Variants in LARP1B observed in about 807,000 individuals in gnomAD.
LARP1B encodes the protein la-related protein 1B.
LARP1B carries 76 observed loss-of-function variants against 114.2 expected under a neutral mutation model. That is an observed-to-expected ratio of 0.67 (90% CI 0.55 to 0.81). LARP1B has a LOEUF of 0.81. Among genes scored for constraint, LARP1B ranks in the 30% least tolerant of loss-of-function variants. LARP1B has a pLI of 0.00. For missense variants in LARP1B, 1,014 were observed against 1,075.8 expected (o/e 0.94, Z 0.80); for synonymous variants, 345 against 348.0 (o/e 0.99, Z 0.10).
chr4:128,129,800 C>G (rs1479010635), intron 11 of LARP1B, among the ~76,000 whole-genome samples: 1 of 151,500 alleles, frequency 6.6e-6, no homozygotes, highest in Non-Finnish European at 1.5e-5. Context: ...ACAAATGGTG[C>G]TAGAACAGCT....
At chr4:128,155,849 T>A in intron 11 of LARP1B, 1 of 1,571,592 alleles carries the variant, frequency 6.4e-7, no homozygotes, top group East Asian at 2.2e-5. Flanking sequence ...ATCGAGGAGC[T>A]GCAGAAGCAG....
intron 12 of LARP1B, among the ~76,000 whole-genome samples, chr4:128,168,655 G>A (rs1156754925): frequency 6.6e-6 from 1 of 151,826 alleles, no homozygotes; most frequent in Admixed American, 6.6e-5. Flanking sequence ...AACTAGTCTT[G>A]GATTCTCAGG....
At chr4:128,155,727 G>C in intron 11 of LARP1B, 8 of 1,608,448 alleles carry the variant, frequency 5.0e-6, no homozygotes, top group Non-Finnish European at 6.8e-6. Flanking sequence ...TAAGGCCCGA[G>C]CGGAACAAGC....
intron 3 of LARP1B, 57 bp downstream of exon 3, chr4:128,075,050 C>T: frequency 9.0e-7 from 1 of 1,107,456 alleles, no homozygotes; most frequent in Non-Finnish European, 1.4e-6. Context: ...TTCATTTCGA[C>T]ATGCAGAATT....
At chr4:128,135,427 T>G (rs1210948944) in intron 11 of LARP1B, among the ~76,000 whole-genome samples, 1 of 152,036 alleles carries the variant, frequency 6.6e-6, no homozygotes, top group African/African-American at 2.4e-5. Flanking sequence ...TAGGCATATA[T>G]CCAAAAAAAT....
intron 5 of LARP1B, among the ~76,000 whole-genome samples, chr4:128,087,850 G>A (rs1279270490): frequency 6.6e-6 from 1 of 151,656 alleles, no homozygotes; most frequent in Non-Finnish European, 1.5e-5. Flanking sequence ...GTGTGGGGGG[G>A]AGCATATATA....
Position 128,082,289 on chromosome 4 carries a change from G to C in LARP1B, c.342G>C (p.Arg114Ser). Residue 114 changes from arginine (R) to serine (S), a missense_variant, in exon 5 of 20, where the codon AGG (arginine) becomes AGC (serine). Arg to Ser is a moderately radical substitution (Grantham distance 110, BLOSUM62 -1). Coordinates refer to ENST00000326639, the MANE Select transcript of LARP1B (RefSeq NM_018078.4). ...PEANKPTHNNRRNDTRSWKRD... is the reference protein window; with the variant it reads ...PEANKPTHNNSRNDTRSWKRD... ...CAAATAAACCAACACATAACAATAG[G>C]AGAAATGATACACGAAGTAAGTTAC... 1 of 1,613,836 alleles carries C rather than the reference G, an allele frequency of 6.2e-7. No homozygotes were observed. Among genetic ancestry groups the C allele is most frequent in the Non-Finnish European group, 8.5e-7 (1 of 1,179,884 alleles).
chr4:128,135,400 T>C (rs546285656), intron 11 of LARP1B, among the ~76,000 whole-genome samples: 2 of 152,268 alleles, frequency 1.3e-5, no homozygotes, highest in South Asian at 2.1e-4. Context: ...TATCATGTTA[T>C]CCAGCAATAC....
At chr4:128,187,486 G>T (rs1489501361) in intron 15 of LARP1B, among the ~76,000 whole-genome samples, 2 of 152,194 alleles carry the variant, frequency 1.3e-5, no homozygotes, top group Non-Finnish European at 2.9e-5. Context: ...TCTTCCTTTT[G>T]TGTATTTACC....
At chr4:128,138,553 A>AG (rs1726475326) in intron 11 of LARP1B, among the ~76,000 whole-genome samples, 2 of 152,200 alleles carry the variant, frequency 1.3e-5, no homozygotes, top group South Asian at 4.1e-4. Flanking sequence ...TGGAAAGGGT[A>AG]GTGGTGGGGG....
At chr4:128,108,013 T>G in intron 9 of LARP1B, 1 of 1,523,556 alleles carries the variant, frequency 6.6e-7, no homozygotes, top group Non-Finnish European at 8.8e-7. Context: ...GATCAGACTG[T>G]CTTCTGTTCA....
rs749479474 is a variant in LARP1B at position 128,091,031 on chromosome 4, A to G, written c.389A>G (p.Asp130Gly). Reference protein sequence around the residue: ...SWKRDREKRDDQDDVSSVRSE... With the variant: ...SWKRDREKRDGQDDVSSVRSE... ...AAGCGAGATAGAGAAAAAAGGGATG[A>G]TCAAGATGACGTTTCCAGTGTGAGA... The change falls in exon 6 of 20, where the codon GAT (aspartate) becomes GGT (glycine). Residue 130 changes from aspartate (D) to glycine (G), a missense_variant. Physicochemically the swap from Asp to Gly is moderately conservative, Grantham distance 94. Coordinates refer to ENST00000326639, the MANE Select transcript of LARP1B (RefSeq NM_018078.4). 3.7e-6 allele frequency: 6 copies of G among 1,612,834 alleles called. No homozygotes were observed. The highest frequency in any genetic ancestry group is 5.1e-6 in the Non-Finnish European group (6 of 1,179,268).
At chr4:128,143,577 A>T (rs1028069897) in intron 11 of LARP1B, among the ~76,000 whole-genome samples, 2 of 152,066 alleles carry the variant, frequency 1.3e-5, no homozygotes, top group African/African-American at 2.4e-5. Flanking sequence ...ATCATAATTG[A>T]CCACTGAATT....
chr4:128,154,843 G>A (rs963253919), intron 11 of LARP1B, among the ~76,000 whole-genome samples: 6 of 151,330 alleles, frequency 4.0e-5, no homozygotes, highest in African/African-American at 1.5e-4. Flanking sequence ...GTGTGATCTC[G>A]GCTCACTGCA....
intron 1 of LARP1B, among the ~76,000 whole-genome samples, chr4:128,062,446 T>C (rs1227046007): frequency 6.6e-6 from 1 of 152,186 alleles, no homozygotes; most frequent in Non-Finnish European, 1.5e-5. Context: ...CAGGTTCTCC[T>C]TGCCTGATGG....
At chr4:128,209,790 GCCT>G in intron 19 of LARP1B, 63 bp from the exon 20 acceptor site, 1 of 1,323,096 alleles carries the variant, frequency 7.6e-7, no homozygotes, top group Non-Finnish European at 1.1e-6. Context: ...GAAAAGTCTA[GCCT>G]TAGATTCTGA....
intron 1 of LARP1B, chr4:128,061,721 G>T (rs1241864470): frequency 3.0e-6 from 3 of 984,852 alleles, no homozygotes; most frequent in Non-Finnish European, 3.6e-6. Flanking sequence ...GATGCCCGCC[G>T]CCCATTCTCG....
intron 11 of LARP1B, chr4:128,155,704 G>T: frequency 6.2e-7 from 1 of 1,607,072 alleles, no homozygotes; most frequent in Non-Finnish European, 8.5e-7. Flanking sequence ...GGAGGAAGAG[G>T]AGCGCCGCCG....
In LARP1B at chr4:128,114,564, T is replaced by A. The variant is rs765312658; in HGVS notation, c.989-6T>A. ...TTTTAACTATAGAACTAACTTAAAATTTTAGAGTCTGCCCCAAATTCTCCA... is the reference window on the plus strand; with the variant it reads ...TTTTAACTATAGAACTAACTTAAAAATTTAGAGTCTGCCCCAAATTCTCCA... On this transcript the variant is annotated splice_polypyrimidine_tract_variant and splice_region_variant and intron_variant, in intron 9 of 19. Transcript: ENST00000326639. 6.2e-7 allele frequency: 1 copy of A among 1,600,390 alleles called. No individual in the cohort carries two copies. The highest frequency in any genetic ancestry group is 1.3e-5 in the African/African-American group (1 of 74,106).
Sources: gnomAD v4.1 joint callset for allele counts (sites outside exome capture counted in the v4.1 genomes callset) on GRCh38, gnomAD v4.1.1 for gene constraint, MANE v1.5 for transcripts, NCBI Gene and HGNC (gene_info 2026-07-23, HGNC 2026-07-21) for gene names.